SLC25A13: variants seen among roughly 807,000 people sequenced by gnomAD.
SLC25A13 encodes solute carrier family 25 member 13.
Under a neutral mutation model 85.5 loss-of-function variants are expected in SLC25A13, and 70 were observed. That is an observed-to-expected ratio of 0.82 (90% CI 0.68 to 1.00). SLC25A13 has a LOEUF of 1.00. Ranked by LOEUF, SLC25A13 falls within the 50% of genes least tolerant of loss-of-function variation. The pLI, the probability that SLC25A13 is intolerant of heterozygous loss-of-function variation, is 0.00. For missense variants in SLC25A13, 765 were observed against 819.8 expected (o/e 0.93, Z 0.82); for synonymous variants, 259 against 288.7 (o/e 0.90, Z 1.04).
At chr7:96,228,699 G>T (rs975132272) in intron 4 of SLC25A13, among the ~76,000 whole-genome samples, 18 of 152,184 alleles carry the variant, frequency 1.2e-4, no homozygotes, top group African/African-American at 4.3e-4. Flanking sequence ...TTGCAGGGAG[G>T]TGTGGAGATA....
intron 1 of SLC25A13, among the ~76,000 whole-genome samples, chr7:96,308,701 A>C (rs1272932643): frequency 6.6e-6 from 1 of 152,240 alleles, no homozygotes; most frequent in Non-Finnish European, 1.5e-5. Flanking sequence ...AGAAGCCATA[A>C]AGAAAAAAAT....
At chr7:96,282,952 A>G (rs939289552) in intron 2 of SLC25A13, among the ~76,000 whole-genome samples, 1 of 152,106 alleles carries the variant, frequency 6.6e-6, no homozygotes, top group Non-Finnish European at 1.5e-5. Context: ...CTGCTGCAAC[A>G]AAAACTCATA....
In SLC25A13 at chr7:96,184,509, A is replaced by C. The variant is rs1794546898; in HGVS notation, c.1019-74T>G. Reference sequence around the variant, plus strand: ...AAGAAAGAAGAAGGTAGTTAAAGTCAAGGACAAGACTGAGAAAAGAAATGT... The same window carrying C: ...AAGAAAGAAGAAGGTAGTTAAAGTCCAGGACAAGACTGAGAAAAGAAATGT... On this transcript the variant is annotated intron_variant, in intron 10 of 17. Coordinates refer to ENST00000265631, the MANE Select transcript of SLC25A13 (RefSeq NM_014251.3). The C allele has an allele frequency of 2.1e-6, 3 of 1,423,742 alleles. No individual in the cohort carries two copies. In the East Asian group the frequency reaches 7.1e-5, roughly 34 times the overall value. The allele number at this position is 1,423,742 out of a possible 1,614,324, so 88.2% of individuals were successfully genotyped here.
intron 4 of SLC25A13, among the ~76,000 whole-genome samples, chr7:96,212,362 A>G (rs1795733612): frequency 6.6e-6 from 1 of 152,232 alleles, no homozygotes; most frequent in African/African-American, 2.4e-5. Context: ...GAAGGGTAGT[A>G]AAAGGTATGA....
chr7:96,294,260 T>G (rs1017753167), intron 2 of SLC25A13, among the ~76,000 whole-genome samples: 7 of 135,102 alleles, frequency 5.2e-5, no homozygotes, highest in Middle Eastern at 3.8e-3. Context: ...AAGGGGAACA[T>G]CACACACTGG....
intron 5 of SLC25A13, among the ~76,000 whole-genome samples, chr7:96,201,392 A>G (rs755731966): frequency 1.8e-4 from 28 of 151,886 alleles, no homozygotes; most frequent in Non-Finnish European, 3.7e-4. Flanking sequence ...GCAGCCTGTA[A>G]TCCCACCTAC....
chr7:96,206,243 G>C (rs941793677), intron 5 of SLC25A13, among the ~76,000 whole-genome samples: 1 of 152,158 alleles, frequency 6.6e-6, no homozygotes, highest in South Asian at 2.1e-4. Flanking sequence ...TCACAGCTTT[G>C]GCATCAGCCA....
At chr7:96,128,939 G>GCTTGCTCGCT (rs1554336579) in intron 15 of SLC25A13, among the ~76,000 whole-genome samples, 81 of 81,898 alleles carry the variant, frequency 9.9e-4, no homozygotes, top group Middle Eastern at 9.6e-3. Context: ...TGCCTTGCTT[G>GCTTGCTCGCT]CTCTCTCTCT....
chr7:96,173,215 G>T (rs1463206997), intron 11 of SLC25A13, among the ~76,000 whole-genome samples: 1 of 152,212 alleles, frequency 6.6e-6, no homozygotes, highest in Non-Finnish European at 1.5e-5. Context: ...AATTAAACAA[G>T]GATAAGGATG....
intron 3 of SLC25A13, among the ~76,000 whole-genome samples, chr7:96,243,819 T>C (rs1236008684): frequency 6.6e-6 from 1 of 151,238 alleles, no homozygotes; most frequent in African/African-American, 2.4e-5. Context: ...AGCTGGAGAG[T>C]AGAGAAGGCA....
At position 96,120,692 on chromosome 7, in the gene SLC25A13, T is replaced by G. The variant is rs765351576; in HGVS notation, c.*499A>C. The stretch of plus-strand genomic sequence containing the variant: ...CATAATATAATCCAGAGACAGAATT[T>G]GTGCATGCTTACAATTTGAAGCCAG... On this transcript the variant is annotated 3_prime_UTR_variant, in exon 18 of 18. Transcript: ENST00000265631. The G allele has an allele frequency of 2.2e-6, 1 of 454,530 alleles. No individual in the cohort carries two copies. The highest frequency in any genetic ancestry group is 1.6e-5 in the South Asian group (1 of 64,420). The allele number at this position is 454,530 out of a possible 1,614,324, so 28.2% of individuals were successfully genotyped here.
chr7:96,285,642 A>T (rs1798856955), intron 2 of SLC25A13, among the ~76,000 whole-genome samples: 1 of 152,110 alleles, frequency 6.6e-6, no homozygotes, highest in Admixed American at 6.6e-5. Context: ...CATTTGCTTT[A>T]ACCACAACGC....
chr7:96,260,276 C>G (rs1402146901), intron 3 of SLC25A13, among the ~76,000 whole-genome samples: 2 of 151,962 alleles, frequency 1.3e-5, no homozygotes, highest in African/African-American at 4.8e-5. Flanking sequence ...TATAAAATAA[C>G]AACCTATTTT....
At chr7:96,172,283 C>T (rs1254016653) in intron 11 of SLC25A13, among the ~76,000 whole-genome samples, 1 of 152,114 alleles carries the variant, frequency 6.6e-6, no homozygotes, top group African/African-American at 2.4e-5. Flanking sequence ...TGAGGCCAGG[C>T]ACGGTGGCTT....
chr7:96,208,074 C>G (rs1235588213), intron 5 of SLC25A13, among the ~76,000 whole-genome samples: 2 of 152,136 alleles, frequency 1.3e-5, no homozygotes, highest in Admixed American at 6.5e-5. Context: ...AAGTTTGAGA[C>G]TAGTGTCTTA....
At chr7:96,153,855 CT>C (rs1347353960) in intron 13 of SLC25A13, among the ~76,000 whole-genome samples, 2 of 151,970 alleles carry the variant, frequency 1.3e-5, no homozygotes, top group African/African-American at 4.8e-5. Context: ...TATTTTTATT[CT>C]TTTACAAGTG....
chr7:96,298,783 G>A (rs1799446683), intron 1 of SLC25A13, among the ~76,000 whole-genome samples: 1 of 152,104 alleles, frequency 6.6e-6, no homozygotes, highest in Non-Finnish European at 1.5e-5. Context: ...GTTCTCTGCT[G>A]TTCAATAGAG....
Position 96,234,821 on chromosome 7 carries a change from G to C in SLC25A13, c.309C>G (p.Gly103=). Residue 103 remains glycine, a synonymous_variant, in exon 4 of 18, where the codon GGC becomes GGG. Transcript: ENST00000265631. ...MVAFQLFDKA[G]KGEVTFEDVK... ...TCTTACCAAAAGTTACTTCTCCTTT[G>C]CCAGCTTTGTCAAACAGCTGAAAGG... The C allele has an allele frequency of 6.2e-7, 1 of 1,612,870 alleles. No individual in the cohort carries two copies. The highest frequency in any genetic ancestry group is 8.5e-7 in the Non-Finnish European group (1 of 1,179,582).
At chr7:96,242,980 T>C (rs1005720247) in intron 3 of SLC25A13, among the ~76,000 whole-genome samples, 1 of 152,196 alleles carries the variant, frequency 6.6e-6, no homozygotes, top group Non-Finnish European at 1.5e-5. Context: ...TCTTTTTTTT[T>C]TGAGACGGAG....
Sources: allele counts gnomAD v4.1 joint callset (sites outside exome capture counted in the v4.1 genomes callset), GRCh38; gene constraint gnomAD v4.1.1; transcripts MANE v1.5; gene names NCBI Gene and HGNC (gene_info 2026-07-23, HGNC 2026-07-21).